CAMSAP2: variants seen among roughly 807,000 people sequenced by gnomAD.
The protein encoded by CAMSAP2 is calmodulin-regulated spectrin-associated protein 2.
CAMSAP2 carries 26 observed loss-of-function variants against 146.1 expected under a neutral mutation model. That is an observed-to-expected ratio of 0.18 (90% CI 0.13 to 0.25). The LOEUF (loss-of-function observed/expected upper bound fraction) is 0.25, where lower values mean the gene tolerates loss of function less well. Among genes scored for constraint, CAMSAP2 ranks in the 10% least tolerant of loss-of-function variants. The pLI is 1.00. For synonymous variants in CAMSAP2, 499 were observed against 596.6 expected, an observed-to-expected ratio of 0.84 and a Z score of 2.38; for missense variants, 1,381 against 1,759.3, an observed-to-expected ratio of 0.78 and a Z score of 3.85.
chr1:200,831,576 G>A (rs77783441), intron 4 of CAMSAP2, among the ~76,000 whole-genome samples: 425 of 151,328 alleles, frequency 2.8e-3, no homozygotes, highest in African/African-American at 9.5e-3. Context: ...TTTTCTGAGG[G>A]GGAGCAAGAA....
chr1:200,819,313 T>C (rs1666687164), intron 4 of CAMSAP2, among the ~76,000 whole-genome samples: 1 of 152,220 alleles, frequency 6.6e-6, no homozygotes, highest in Non-Finnish European at 1.5e-5. Context: ...TTCTAATACT[T>C]CTTTTGATTG....
At chr1:200,769,983 A>G (rs751194153) in intron 2 of CAMSAP2, among the ~76,000 whole-genome samples, 2 of 152,222 alleles carry the variant, frequency 1.3e-5, no homozygotes, top group Non-Finnish European at 2.9e-5. Flanking sequence ...ATGAAAGACT[A>G]TAACAAGGGC....
intron 1 of CAMSAP2, among the ~76,000 whole-genome samples, chr1:200,760,631 A>C (rs1201498333): frequency 6.6e-6 from 1 of 152,220 alleles, no homozygotes; most frequent in Non-Finnish European, 1.5e-5. Flanking sequence ...ATATACTCAG[A>C]AAGTATCTTC....
chr1:200,760,947 G>A lies in CAMSAP2; in HGVS notation c.248G>A (p.Arg83His), dbSNP rs374806830. 61 of 1,613,956 alleles carry A rather than the reference G, an allele frequency of 3.8e-5. No homozygotes were observed. The Admixed American group carries it at 8.8e-4, about 23-fold the overall frequency. The change falls in exon 2 of 17, where the codon CGT (arginine) becomes CAT (histidine). Residue 83 changes from arginine to histidine, a missense_variant. By Grantham distance (29) the Arg-to-His change is conservative (BLOSUM62 0). Coordinates refer to ENST00000358823, the MANE Select transcript of CAMSAP2 (RefSeq NM_203459.4). ...NLLLSAELYC[R>H]AGSLILKSDA... ...CTTCTATCGGCTGAACTATACTGTC[G>A]TGCTGGGAGTCTCATTCTCAAGAGT... is the stretch of plus-strand genomic sequence containing the variant.
chr1:200,761,238 A>G, intron 2 of CAMSAP2, 140 bp downstream of exon 2: 3 of 809,314 alleles, frequency 3.7e-6, no homozygotes, highest in Non-Finnish European at 3.8e-6. Context: ...CTTTTTCTTA[A>G]CCTTGTTTCC....
At chr1:200,856,979 A>T (rs1191993220) in intron 15 of CAMSAP2, among the ~76,000 whole-genome samples, 9 of 152,198 alleles carry the variant, frequency 5.9e-5, no homozygotes, top group Non-Finnish European at 1.5e-5. Flanking sequence ...TAAATTACTC[A>T]TGGACCCATT....
chr1:200,759,168 C>CAATTTGA (rs1558163924), intron 1 of CAMSAP2, among the ~76,000 whole-genome samples: 1 of 151,838 alleles, frequency 6.6e-6, no homozygotes, highest in East Asian at 1.9e-4. Flanking sequence ...CCAGATTGTT[C>CAATTTGA]AATTTGGTGT....
Position 200,739,678 on chromosome 1 carries a change from G to A in CAMSAP2, c.-150G>A, listed in dbSNP as rs1412072893. The A allele has an allele frequency of 3.1e-6, 2 of 642,136 alleles. No homozygotes were observed. The highest frequency in any genetic ancestry group is 4.5e-6 in the Non-Finnish European group (2 of 442,630). 39.8% of individuals were successfully genotyped at this position (642,136 alleles called of 1,614,324 possible). ...AGGCGGCAGGCGCGCGGCGCGGACAGCTGAGCTTCTCCTCCGTCGGCGCCC... is the reference window on the plus strand; with the variant it reads ...AGGCGGCAGGCGCGCGGCGCGGACAACTGAGCTTCTCCTCCGTCGGCGCCC... On this transcript the variant is annotated 5_prime_UTR_variant, in exon 1 of 17. Coordinates refer to ENST00000358823, the MANE Select transcript of CAMSAP2 (RefSeq NM_203459.4). The surrounding 1 kb of genome is among the most constrained non-coding windows in gnomAD (Gnocchi z 4.8).
Position 200,739,797 on chromosome 1 carries a change from G to C in CAMSAP2, c.-31G>C. On this transcript the variant is annotated 5_prime_UTR_variant, in exon 1 of 17. Coordinates refer to ENST00000358823, the MANE Select transcript of CAMSAP2 (RefSeq NM_203459.4). This position sits in a 1 kb window ranked among gnomAD's most constrained non-coding sequence, Gnocchi z 4.8. ...GAGGCCACGCCATGTGAAGGTTAGG[G>C]CCGGGACATCCCGAGGAGCCGCGGT... 1 of 1,608,804 alleles carries C rather than the reference G, an allele frequency of 6.2e-7. No individual in the cohort carries two copies. Among genetic ancestry groups the C allele is most frequent in the Non-Finnish European group, 8.5e-7 (1 of 1,177,308 alleles).
chr1:200,817,737 A>G (rs182195107), intron 4 of CAMSAP2, among the ~76,000 whole-genome samples: 1 of 152,362 alleles, frequency 6.6e-6, no homozygotes, highest in African/African-American at 2.4e-5. Context: ...AGGACCACGT[A>G]CAATTTTGTC....
chr1:200,746,366 A>G (rs191634936), intron 1 of CAMSAP2, among the ~76,000 whole-genome samples: 39 of 152,268 alleles, frequency 2.6e-4, no homozygotes, highest in African/African-American at 8.9e-4. Flanking sequence ...GGATATGTGG[A>G]AGAAAAGATG....
At chr1:200,839,316 G>A (rs1667258512) in intron 6 of CAMSAP2, among the ~76,000 whole-genome samples, 1 of 152,170 alleles carries the variant, frequency 6.6e-6, no homozygotes, top group African/African-American at 2.4e-5. Flanking sequence ...TAAAAGTGAT[G>A]AAATGGAAAA....
intron 4 of CAMSAP2, among the ~76,000 whole-genome samples, chr1:200,829,013 G>A (rs1049415715): frequency 5.9e-5 from 9 of 151,986 alleles, no homozygotes; most frequent in African/African-American, 2.2e-4. Context: ...AAATTAGCTG[G>A]GCGTGGTGGC....
intron 2 of CAMSAP2, among the ~76,000 whole-genome samples, chr1:200,798,033 C>A (rs2103038239): frequency 6.6e-6 from 1 of 151,410 alleles, no homozygotes. Flanking sequence ...TGATCTATAT[C>A]TCTGTTTTGG....
At chr1:200,756,174 C>T (rs975287990) in intron 1 of CAMSAP2, among the ~76,000 whole-genome samples, 2 of 152,102 alleles carry the variant, frequency 1.3e-5, no homozygotes, top group African/African-American at 4.8e-5. Context: ...ATGGCTGGGC[C>T]GGGCATGGTG....
chr1:200,845,238 C>T (rs1268169639), intron 8 of CAMSAP2, among the ~76,000 whole-genome samples: 1 of 137,278 alleles, frequency 7.3e-6, no homozygotes, highest in South Asian at 2.4e-4. Flanking sequence ...TTTTAAAAAT[C>T]TTTGAAGGTT....
chr1:200,838,173 A>G (rs10920045), intron 6 of CAMSAP2, among the ~76,000 whole-genome samples: 44,000 of 152,070 alleles, frequency 0.29, 7,231 homozygotes, highest in Non-Finnish European at 0.39. Context: ...CTTGTGGCCA[A>G]ATAGTACAAT....
chr1:200,833,063 AAAAT>A (rs1448477601), intron 6 of CAMSAP2, among the ~76,000 whole-genome samples: 3 of 152,120 alleles, frequency 2.0e-5, no homozygotes, highest in African/African-American at 7.2e-5. Context: ...CCTGTCTCAC[AAAAT>A]AAATAAATAA....
intron 1 of CAMSAP2, among the ~76,000 whole-genome samples, chr1:200,758,000 A>G (rs1465975483): frequency 2.0e-5 from 3 of 152,196 alleles, no homozygotes; most frequent in Non-Finnish European, 4.4e-5. Context: ...GATGGTGTAG[A>G]GCTATAATTC....
Sources: gnomAD v4.1 joint callset for allele counts (sites outside exome capture counted in the v4.1 genomes callset) on GRCh38, gnomAD v4.1.1 for gene constraint, Gnocchi (gnomAD v3.1) non-coding constraint, MANE v1.5 for transcripts, NCBI Gene and HGNC (gene_info 2026-07-23, HGNC 2026-07-21) for gene names.